Variants in NRG1 observed in about 807,000 individuals in gnomAD.
NRG1 encodes the protein neuregulin 1.
Under a neutral mutation model 63.8 loss-of-function variants are expected in NRG1, and 18 were observed. The ratio of observed to expected loss-of-function variants is 0.28; its 90% CI spans 0.19 to 0.42. The LOEUF is 0.42. NRG1 is among the 10% of genes least tolerant of loss of function. The pLI is 1.00. For synonymous variants in NRG1, 302 were observed against 301.3 expected (o/e 1.00, Z -0.02); for missense variants, 762 against 814.7 (o/e 0.94, Z 0.79).
chr8:31,738,931 A>C (rs1015898079), intron 1 of NRG1, among the ~76,000 whole-genome samples: 1 of 151,986 alleles, frequency 6.6e-6, no homozygotes, highest in Non-Finnish European at 1.5e-5. Flanking sequence ...TCTGCCACAA[A>C]TTTATTTCCA....
At position 32,373,765 on chromosome 8, in the gene NRG1, G is replaced by A. The variant is rs564266433; in HGVS notation, c.38-222063G>A. On this transcript the variant is annotated intron_variant, in intron 1 of 10. Transcript: ENST00000519301. ...TGCACTCCAGCCTGGGTGACAGAGC[G>A]AGATCCTGTCTCAAAAAAATTAAAT... Among the ~76,000 whole-genome samples, 7 of 152,102 alleles carry A rather than the reference G, an allele frequency of 4.6e-5. No homozygotes were observed. The East Asian group carries it at 7.8e-4, about 17-fold the overall frequency.
chr8:32,755,119 A>G (rs1007347909), intron 8 of NRG1, among the ~76,000 whole-genome samples: 1 of 152,136 alleles, frequency 6.6e-6, no homozygotes, highest in Non-Finnish European at 1.5e-5. Flanking sequence ...AGGGGAGGAA[A>G]ATGAAGCAAA....
intron 1 of NRG1, among the ~76,000 whole-genome samples, chr8:31,807,672 A>C (rs145391353): frequency 1.4e-3 from 217 of 152,322 alleles, no homozygotes; most frequent in African/African-American, 5.1e-3. Flanking sequence ...AATATTGTAT[A>C]GTGGATTTCT....
At chr8:32,322,355 T>TTATATATATATA (rs149742517) in intron 1 of NRG1, among the ~76,000 whole-genome samples, 37 of 142,658 alleles carry the variant, frequency 2.6e-4, no homozygotes, top group East Asian at 1.8e-3. Flanking sequence ...CAACCTTATT[T>TTATATATATATA]TATATATATA....
intron 1 of NRG1, among the ~76,000 whole-genome samples, chr8:31,965,864 G>A (rs1806231787): frequency 6.6e-6 from 1 of 152,082 alleles, no homozygotes; most frequent in Non-Finnish European, 1.5e-5. Context: ...TAATTAAGAA[G>A]CAGAAAATCA....
chr8:32,098,612 T>C (rs1814803814), intron 1 of NRG1: 1 of 152,240 alleles, frequency 6.6e-6, no homozygotes, highest in Non-Finnish European at 1.5e-5. Flanking sequence ...ACTTTTAGTG[T>C]AAAATGTTTC....
intron 1 of NRG1, among the ~76,000 whole-genome samples, chr8:32,553,736 C>T (rs915434968): frequency 6.6e-6 from 1 of 152,148 alleles, no homozygotes; most frequent in Non-Finnish European, 1.5e-5. Context: ...AAGTGTGCAC[C>T]AACCTGCCCC....
chr8:32,306,981 A>G (rs914965354), intron 1 of NRG1, among the ~76,000 whole-genome samples: 3 of 152,210 alleles, frequency 2.0e-5, no homozygotes, highest in Non-Finnish European at 4.4e-5. Flanking sequence ...TGAGACATTA[A>G]AAAACATTGC....
chr8:31,899,661 C>T (rs1831907380), intron 1 of NRG1, among the ~76,000 whole-genome samples: 1 of 152,084 alleles, frequency 6.6e-6, no homozygotes, highest in Non-Finnish European at 1.5e-5. Context: ...GCTACATTCT[C>T]TTGTAAACAT....
At chr8:32,549,638 TATA>T (rs1227250050) in intron 1 of NRG1, among the ~76,000 whole-genome samples, 1 of 152,218 alleles carries the variant, frequency 6.6e-6, no homozygotes, top group Non-Finnish European at 1.5e-5. Context: ...TGGTTATCTA[TATA>T]ATAAAATGGC....
chr8:32,147,466 G>A (rs1261867349), intron 1 of NRG1, among the ~76,000 whole-genome samples: 1 of 152,232 alleles, frequency 6.6e-6, no homozygotes, highest in East Asian at 1.9e-4. Flanking sequence ...ATTGCCCTGG[G>A]CAATTACCAT....
chr8:32,528,338 AAGC>A, intron 1 of NRG1, among the ~76,000 whole-genome samples: 1 of 152,320 alleles, frequency 6.6e-6, no homozygotes, highest in African/African-American at 2.4e-5. Flanking sequence ...ATCCAGTACA[AAGC>A]CCAGTATGCA....
intron 1 of NRG1, among the ~76,000 whole-genome samples, chr8:32,372,685 A>G (rs1174972042): frequency 6.6e-6 from 1 of 152,212 alleles, no homozygotes; most frequent in African/African-American, 2.4e-5. Context: ...CATCATCTGC[A>G]TTTGAATCTG....
intron 1 of NRG1, among the ~76,000 whole-genome samples, chr8:31,875,750 G>C (rs1489659287): frequency 6.6e-6 from 1 of 152,072 alleles, no homozygotes. Context: ...ATGATTCTTG[G>C]CCTTGCTTTG....
intron 7 of NRG1, chr8:32,748,615 T>C (rs755975894): frequency 9.2e-6 from 4 of 435,562 alleles, no homozygotes; most frequent in African/African-American, 2.1e-5. Context: ...TCTTGGCTCA[T>C]ACCTTTGAGT....
intron 1 of NRG1, among the ~76,000 whole-genome samples, chr8:31,722,255 G>A (rs764746556): frequency 2.6e-5 from 4 of 151,974 alleles, no homozygotes; most frequent in African/African-American, 7.2e-5. Context: ...TTCCATGTGC[G>A]CTTACTTTAC....
chr8:31,956,227 A>C (rs1804374698), intron 1 of NRG1, among the ~76,000 whole-genome samples: 1 of 152,050 alleles, frequency 6.6e-6, no homozygotes, highest in Non-Finnish European at 1.5e-5. Flanking sequence ...CAATTTAAAA[A>C]ATGAGAGAGA....
intron 1 of NRG1, among the ~76,000 whole-genome samples, chr8:32,269,656 T>C (rs1011726867): frequency 2.6e-5 from 4 of 152,140 alleles, no homozygotes; most frequent in African/African-American, 9.7e-5. Context: ...TGGGAGCTTT[T>C]GAAGTGAAAC....
chr8:32,050,842 G>A (rs1217273119), intron 1 of NRG1, among the ~76,000 whole-genome samples: 1 of 152,172 alleles, frequency 6.6e-6, no homozygotes, highest in Non-Finnish European at 1.5e-5. Flanking sequence ...GGCTGAGATA[G>A]CCATCATGGG....
Sources: allele counts gnomAD v4.1 joint callset (sites outside exome capture counted in the v4.1 genomes callset), GRCh38; gene constraint gnomAD v4.1.1; transcripts MANE v1.5; gene names NCBI Gene and HGNC (gene_info 2026-07-23, HGNC 2026-07-21).